INPP5A: variants seen among roughly 807,000 people sequenced by gnomAD.
The protein encoded by INPP5A is 43 kDa inositol polyphosphate 5-phophatase.
INPP5A carries 14 observed loss-of-function variants against 65.2 expected under a neutral mutation model. The ratio of observed to expected loss-of-function variants is 0.21; its 90% CI spans 0.14 to 0.34. The LOEUF (loss-of-function observed/expected upper bound fraction) is 0.34. INPP5A is among the 10% of genes least tolerant of loss of function. INPP5A has a pLI of 1.00. For missense variants in INPP5A, 431 were observed against 545.6 expected (o/e 0.79, Z 2.09); for synonymous variants, 207 against 208.3 (o/e 0.99, Z 0.05).
At chr10:132,769,500 C>T (rs1184957656) in intron 12 of INPP5A, among the ~76,000 whole-genome samples, 1 of 152,226 alleles carries the variant, frequency 6.6e-6, no homozygotes, top group Non-Finnish European at 1.5e-5. Context: ...GAAGGCCTTT[C>T]ATGCCATGTG....
intron 2 of INPP5A, among the ~76,000 whole-genome samples, chr10:132,618,908 C>G (rs1178945771): frequency 6.6e-6 from 1 of 152,194 alleles, no homozygotes; most frequent in Non-Finnish European, 1.5e-5. Flanking sequence ...AGGCATCTGC[C>G]CCCATGATCC....
At chr10:132,718,234 G>A (rs1417590222) in intron 8 of INPP5A, among the ~76,000 whole-genome samples, 3 of 141,598 alleles carry the variant, frequency 2.1e-5, no homozygotes, top group Non-Finnish European at 4.6e-5. Flanking sequence ...GTTCTGTCTG[G>A]GCACCTTAGA....
At position 132,697,520 on chromosome 10, in the gene INPP5A, G is replaced by A. The variant is rs1056602389; in HGVS notation, c.371-296G>A. On this transcript the variant is annotated intron_variant, in intron 5 of 15. Coordinates refer to ENST00000368594, the MANE Select transcript of INPP5A (RefSeq NM_005539.5). The surrounding 1 kb of genome is among the most constrained non-coding windows in gnomAD (Gnocchi z 5.6). ...CTACAGCCCTCTTAAATATATTCAC[G>A]GGTTTAAAAGAGGATGCCAATTAGC... Among the ~76,000 whole-genome samples the A allele has an allele frequency of 1.3e-5, 2 of 152,212 alleles. No individual in the cohort carries two copies. The highest frequency in any genetic ancestry group is 2.9e-5 in the Non-Finnish European group (2 of 68,028).
chr10:132,631,084 G>T (rs1228499664), intron 2 of INPP5A, among the ~76,000 whole-genome samples: 1 of 152,178 alleles, frequency 6.6e-6, no homozygotes, highest in Non-Finnish European at 1.5e-5. Flanking sequence ...CCTCCCCATG[G>T]TGGCCCAGCC....
At chr10:132,714,622 G>T (rs1266328364) in intron 8 of INPP5A, among the ~76,000 whole-genome samples, 1 of 152,232 alleles carries the variant, frequency 6.6e-6, no homozygotes, top group Non-Finnish European at 1.5e-5. Flanking sequence ...GCAGGTCCCA[G>T]CCCTGGAGGA....
intron 1 of INPP5A, among the ~76,000 whole-genome samples, chr10:132,553,187 A>G (rs1259305314): frequency 2.3e-5 from 2 of 86,436 alleles, no homozygotes; most frequent in African/African-American, 4.9e-5. Context: ...CATATTGGGT[A>G]GGATAGGGAG....
intron 13 of INPP5A, among the ~76,000 whole-genome samples, chr10:132,778,725 G>A (rs1465521868): frequency 6.6e-6 from 1 of 152,144 alleles, no homozygotes; most frequent in Non-Finnish European, 1.5e-5. Flanking sequence ...CCTCTCCACT[G>A]TCCCAGGCCC....
rs1483537390 is a variant in INPP5A at position 132,547,440 on chromosome 10, C to T, written c.75+9269C>T. On this transcript the variant is annotated intron_variant, in intron 1 of 15. Coordinates refer to ENST00000368594, the MANE Select transcript of INPP5A (RefSeq NM_005539.5). The surrounding 1 kb of genome is among the most constrained non-coding windows in gnomAD (Gnocchi z 5.5). ...CGTGGCCCAGGCTGAGCAGTGCACTCGGCTGCCTAGGTGGTGTGAGGTTCT... is the reference window on the plus strand; with the variant it reads ...CGTGGCCCAGGCTGAGCAGTGCACTTGGCTGCCTAGGTGGTGTGAGGTTCT... 3.9e-5 allele frequency among the ~76,000 whole-genome samples: 6 copies of T among 152,182 alleles called. No individual in the cohort carries two copies. Among genetic ancestry groups the T allele is most frequent in the South Asian group, 2.1e-4 (1 of 4,832 alleles).
intron 5 of INPP5A, among the ~76,000 whole-genome samples, chr10:132,691,458 C>T (rs1364434612): frequency 6.6e-6 from 1 of 152,230 alleles, no homozygotes; most frequent in Non-Finnish European, 1.5e-5. Context: ...GGAGAGAGCG[C>T]GCCGACGCAG....
intron 1 of INPP5A, among the ~76,000 whole-genome samples, chr10:132,592,311 A>T (rs562270157): frequency 1.1e-4 from 17 of 152,382 alleles, no homozygotes; most frequent in Middle Eastern, 3.4e-3. Context: ...TTAACAATCC[A>T]TTGTAAGATA....
chr10:132,759,714 A>T (rs1031823450), intron 11 of INPP5A, among the ~76,000 whole-genome samples: 2 of 150,762 alleles, frequency 1.3e-5, no homozygotes, highest in African/African-American at 2.4e-5. Flanking sequence ...CGCCCTCCTC[A>T]CCCTGCAGGA....
chr10:132,679,436 C>T (rs554858963), intron 4 of INPP5A, among the ~76,000 whole-genome samples: 37 of 152,148 alleles, frequency 2.4e-4, no homozygotes, highest in Admixed American at 7.2e-4. Context: ...GCTGTACACA[C>T]AAGAGCTGCC....
intron 12 of INPP5A, among the ~76,000 whole-genome samples, chr10:132,766,252 T>C (rs1177741295): frequency 6.6e-6 from 1 of 152,260 alleles, no homozygotes; most frequent in Non-Finnish European, 1.5e-5. Flanking sequence ...CCTGCCCTTT[T>C]CATGACATGA....
At position 132,587,818 on chromosome 10, in the gene INPP5A, C is replaced by T. The variant is rs1380618614; in HGVS notation, c.76-20097C>T. Among the ~76,000 whole-genome samples the T allele has an allele frequency of 6.6e-6, 1 of 151,662 alleles. No homozygotes were observed. Among genetic ancestry groups the T allele is most frequent in the African/African-American group, 2.4e-5 (1 of 41,260 alleles). ...CTGAGGCCAGGAATTCGTGACTAGC[C>T]TGACCAACATGGTGAAATCCCGTCT... On this transcript the variant is annotated intron_variant, in intron 1 of 15. Coordinates refer to ENST00000368594, the MANE Select transcript of INPP5A (RefSeq NM_005539.5). This position sits in a 1 kb window ranked among gnomAD's most constrained non-coding sequence, Gnocchi z 4.3.
chr10:132,645,934 G>A lies in INPP5A; in HGVS notation c.184G>A (p.Glu62Lys), dbSNP rs1473493335. Residue 62 changes from glutamate (E) to lysine (K), a missense_variant, in exon 3 of 16, where the codon GAG becomes AAG. Glu to Lys is a moderately conservative substitution (Grantham distance 56). Coordinates refer to ENST00000368594, the MANE Select transcript of INPP5A (RefSeq NM_005539.5). Reference sequence around the variant, plus strand: ...TCAGGAGTTTGGAGGGAAGAACTACGAGGCCTCCATGTCCCACGTGGACAA... The same window carrying A: ...TCAGGAGTTTGGAGGGAAGAACTACAAGGCCTCCATGTCCCACGTGGACAA... ...HCQEFGGKNY[E>K]ASMSHVDKFV... The A allele has an allele frequency of 1.2e-6, 2 of 1,613,910 alleles. No individual in the cohort carries two copies. The highest frequency in any genetic ancestry group is 1.7e-6 in the Non-Finnish European group (2 of 1,179,888).
At chr10:132,746,974 G>A (rs1590978627) in intron 9 of INPP5A, among the ~76,000 whole-genome samples, 2 of 152,194 alleles carry the variant, frequency 1.3e-5, no homozygotes, top group South Asian at 2.1e-4. Context: ...TGGGGTGGCC[G>A]GCCCCTTCCT....
chr10:132,734,571 G>T (rs1166188853), intron 9 of INPP5A, among the ~76,000 whole-genome samples: 1 of 152,238 alleles, frequency 6.6e-6, no homozygotes, highest in Non-Finnish European at 1.5e-5. Context: ...ACTGTTGGCT[G>T]CCTTGTGGGC....
intron 1 of INPP5A, among the ~76,000 whole-genome samples, chr10:132,571,514 C>T (rs2071341610): frequency 1.3e-5 from 2 of 152,264 alleles, no homozygotes; most frequent in South Asian, 4.1e-4. Flanking sequence ...AAACCACCAA[C>T]TTTGGACTAC....
intron 2 of INPP5A, among the ~76,000 whole-genome samples, chr10:132,628,465 G>GGT (rs1554937162): frequency 1.8e-5 from 1 of 56,200 alleles, no homozygotes; most frequent in Non-Finnish European, 3.6e-5. Flanking sequence ...TCTGGTGGCG[G>GGT]GGGGGGGGGG....
Sources: allele counts gnomAD v4.1 joint callset (sites outside exome capture counted in the v4.1 genomes callset), GRCh38; gene constraint gnomAD v4.1.1; non-coding constraint Gnocchi (gnomAD v3.1); transcripts MANE v1.5; gene names NCBI Gene and HGNC (gene_info 2026-07-23, HGNC 2026-07-21).